POC5: variants seen among roughly 807,000 people sequenced by gnomAD.
The protein encoded by POC5 is POC5 centriolar protein, also known as centrosomal protein POC5.
A neutral mutation model predicts 62.9 loss-of-function variants in POC5; 48 were observed. The observed-to-expected ratio is 0.76, with a 90% CI of 0.61 to 0.97. The LOEUF is 0.97. Among genes scored for constraint, POC5 ranks in the 50% least tolerant of loss-of-function variants. The pLI is 0.00. For missense variants in POC5, 696 were observed against 679.5 expected (o/e 1.02, Z -0.27); for synonymous variants, 236 against 228.2 (o/e 1.03, Z -0.31).
Position 75,690,364 on chromosome 5 carries a change from A to G in POC5, c.975+19T>C. ...TTTATTGTATTAGAAGAAAGTGAAA[A>G]CCAGAAAAAGATGCTTACCATAGCA... is the stretch of plus-strand genomic sequence containing the variant. On this transcript the variant is annotated intron_variant, in intron 8 of 11. Transcript: ENST00000428202. 1 of 1,582,852 alleles carries G rather than the reference A, an allele frequency of 6.3e-7. No individual in the cohort carries two copies. The highest frequency in any genetic ancestry group is 8.6e-7 in the Non-Finnish European group (1 of 1,166,366).
At position 75,712,930 on chromosome 5, in the gene POC5, G is replaced by A; in HGVS notation, c.8C>T (p.Ser3Leu). The A allele has an allele frequency of 6.2e-7, 1 of 1,610,430 alleles. No homozygotes were observed. The highest frequency in any genetic ancestry group is 8.5e-7 in the Non-Finnish European group (1 of 1,177,988). Residue 3 changes from serine (S) to leucine (L), a missense_variant, in exon 2 of 12, where the codon TCA (serine) becomes TTA (leucine). Ser to Leu is a moderately radical substitution (Grantham distance 145). Transcript: ENST00000428202. MS[S>L]DEEKYSLPVV... ...TGGAAGTGAGTATTTCTCCTCATCT[G>A]ATGACATTCTGCACAAATGCTCTAA...
intron 5 of POC5, among the ~76,000 whole-genome samples, chr5:75,702,171 G>A (rs1163603692): frequency 6.6e-6 from 1 of 152,086 alleles, no homozygotes; most frequent in Non-Finnish European, 1.5e-5. Context: ...AGGGGGTGGA[G>A]GGTAAGGGGA....
In POC5 at chr5:75,674,396, C is replaced by T. The variant is rs767114581; in HGVS notation, c.*39G>A. 3.1e-6 allele frequency: 5 copies of T among 1,599,714 alleles called. No homozygotes were observed. The East Asian group carries it at 1.1e-4, about 36-fold the overall frequency. On this transcript the variant is annotated 3_prime_UTR_variant, in exon 12 of 12. Transcript: ENST00000428202. Reference sequence around the variant, plus strand: ...AAAAGACTTCTAACCCTTGGTAAGACCAGAGGGATTAAAAGACCCCACTAT... The same window carrying T: ...AAAAGACTTCTAACCCTTGGTAAGATCAGAGGGATTAAAAGACCCCACTAT...
In POC5 at chr5:75,702,705, T is replaced by C. The variant is rs771802605; in HGVS notation, c.413A>G (p.His138Arg). The stretch of plus-strand genomic sequence containing the variant: ...CACAAGTATTTCATGGGCATCTGTA[T>C]GACTAGAATTTGTTGCTGGTGAGGA... ...DSSSPATNSSHTDAHEILVSD... is the reference protein window; with the variant it reads ...DSSSPATNSSRTDAHEILVSD... The change falls in exon 5 of 12, where the codon CAT becomes CGT. Residue 138 changes from histidine to arginine, a missense_variant. By Grantham distance (29) the His-to-Arg change is conservative (BLOSUM62 0). Transcript: ENST00000428202. 17 of 1,610,360 alleles carry C rather than the reference T, an allele frequency of 1.1e-5. No homozygotes were observed. Among genetic ancestry groups the C allele is most frequent in the Non-Finnish European group, 1.4e-5 (17 of 1,178,222 alleles).
chr5:75,715,976 A>G (rs755761411), intron 1 of POC5, among the ~76,000 whole-genome samples: 1 of 152,218 alleles, frequency 6.6e-6, no homozygotes, highest in Non-Finnish European at 1.5e-5. Context: ...GGAGATTAGG[A>G]GGTTGCTGAG....
intron 4 of POC5, among the ~76,000 whole-genome samples, chr5:75,703,164 T>C (rs1776962094): frequency 6.6e-6 from 1 of 152,222 alleles, no homozygotes; most frequent in Non-Finnish European, 1.5e-5. Context: ...AAAAACATTA[T>C]AAAGATTAGT....
chr5:75,705,742 C>G lies in POC5; in HGVS notation c.269G>C (p.Gly90Ala), dbSNP rs192784670. Reference sequence around the variant, plus strand: ...ATGACTTGAAATATGGAAATCACATCCTTTTCCAACTTCTATTGCAGTTTC... The same window carrying G: ...ATGACTTGAAATATGGAAATCACATGCTTTTCCAACTTCTATTGCAGTTTC... ...VRETAIEVGK[G>A]CDFHISSHSK... Residue 90 changes from glycine (G) to alanine (A), a missense_variant, in exon 4 of 12, where the codon GGA becomes GCA. Transcript: ENST00000428202. 12 of 1,555,414 alleles carry G rather than the reference C, an allele frequency of 7.7e-6. No homozygotes were observed. The African/African-American group carries it at 1.6e-4, about 21-fold the overall frequency.
chr5:75,700,352 T>C (rs1776815223), intron 5 of POC5, among the ~76,000 whole-genome samples: 1 of 150,912 alleles, frequency 6.6e-6, no homozygotes, highest in African/African-American at 2.5e-5. Context: ...AACAGCATGG[T>C]ACTGGTACCA....
Position 75,695,859 on chromosome 5 carries a change from C to T in POC5, c.514-1028G>A, listed in dbSNP as rs111942822. Among the ~76,000 whole-genome samples the T allele has an allele frequency of 7.0e-4, 106 of 152,084 alleles. No homozygotes were observed. In the Middle Eastern group the frequency reaches 0.01, roughly 15 times the overall value. ...GGCGCAGGACAGTGGGTGCATGCACCGTGCGCGAGGTGAAGCAGGGCGAGG... is the reference window on the plus strand; with the variant it reads ...GGCGCAGGACAGTGGGTGCATGCACTGTGCGCGAGGTGAAGCAGGGCGAGG... On this transcript the variant is annotated intron_variant, in intron 5 of 11. Coordinates refer to ENST00000428202, the MANE Select transcript of POC5 (RefSeq NM_001099271.2).
chr5:75,691,217 T>C (rs1464880550), intron 7 of POC5, among the ~76,000 whole-genome samples: 2 of 152,248 alleles, frequency 1.3e-5, no homozygotes, highest in Non-Finnish European at 2.9e-5. Flanking sequence ...TTATTTCACT[T>C]GACAAGTTTC....
chr5:75,709,904 T>G (rs1057394221), intron 2 of POC5, among the ~76,000 whole-genome samples: 2 of 152,238 alleles, frequency 1.3e-5, no homozygotes, highest in African/African-American at 4.8e-5. Flanking sequence ...AGGGTTTGAT[T>G]TGGGCAAATG....
chr5:75,684,681 A>G (rs1776024460), intron 10 of POC5, among the ~76,000 whole-genome samples: 1 of 151,894 alleles, frequency 6.6e-6, no homozygotes, highest in East Asian at 1.9e-4. Flanking sequence ...ATTTTTGAAA[A>G]ATATAAAAAA....
In POC5 at chr5:75,677,938, C is replaced by G; in HGVS notation, c.1420G>C (p.Val474Leu). 1 of 1,568,980 alleles carries G rather than the reference C, an allele frequency of 6.4e-7. No individual in the cohort carries two copies. The highest frequency in any genetic ancestry group is 8.6e-7 in the Non-Finnish European group (1 of 1,158,208). ...GCTTTCTGTTGTGCAGAGGTTACAACTCTTGGCACATACTAAGAAGAAAAA... is the reference window on the plus strand; with the variant it reads ...GCTTTCTGTTGTGCAGAGGTTACAAGTCTTGGCACATACTAAGAAGAAAAA... ...AASEEMYVPR[V>L]VTSAQQKAGR... Residue 474 changes from valine to leucine, a missense_variant, in exon 11 of 12, where the codon GTT becomes CTT. Val to Leu is a conservative substitution (Grantham distance 32). Transcript: ENST00000428202.
At chr5:75,689,221 T>C (rs1776218425) in intron 8 of POC5, 56 bp from the exon 9 acceptor site, 1 of 1,457,292 alleles carries the variant, frequency 6.9e-7, no homozygotes, top group Non-Finnish European at 9.0e-7. Flanking sequence ...AAGAATACTG[T>C]CAAAAAAATA....
intron 10 of POC5, among the ~76,000 whole-genome samples, chr5:75,682,885 C>T (rs1355764845): frequency 6.6e-6 from 1 of 152,222 alleles, no homozygotes; most frequent in Non-Finnish European, 1.5e-5. Flanking sequence ...ATTTTTCAAA[C>T]TCTTTGTGTC....
chr5:75,704,354 G>T (rs1231788034), intron 4 of POC5, among the ~76,000 whole-genome samples: 7 of 152,156 alleles, frequency 4.6e-5, no homozygotes, highest in Middle Eastern at 3.4e-3. Context: ...AATCTTTCAA[G>T]AATTCTTTTT....
At chr5:75,692,275 G>A (rs1776368715) in intron 7 of POC5, 121 bp downstream of exon 7, 2 of 616,436 alleles carry the variant, frequency 3.2e-6, no homozygotes, top group African/African-American at 1.9e-5. Context: ...TTTGAAATAA[G>A]AGGAACATTA....
chr5:75,683,111 T>C (rs932703550), intron 10 of POC5, among the ~76,000 whole-genome samples: 2 of 152,152 alleles, frequency 1.3e-5, no homozygotes, highest in African/African-American at 4.8e-5. Context: ...TCTTTCCTCT[T>C]ATGTAAGTGG....
intron 1 of POC5, among the ~76,000 whole-genome samples, chr5:75,716,003 T>C (rs72768388): frequency 0.012 from 1,791 of 152,196 alleles, 12 homozygotes; most frequent in Non-Finnish European, 0.019. Context: ...GCTTGAACAA[T>C]TTCACTGGAA....
Sources: allele counts gnomAD v4.1 joint callset (sites outside exome capture counted in the v4.1 genomes callset), GRCh38; gene constraint gnomAD v4.1.1; transcripts MANE v1.5; gene names NCBI Gene and HGNC (gene_info 2026-07-23, HGNC 2026-07-21).